Variants in SLC6A3 observed in about 807,000 individuals in gnomAD.
SLC6A3 encodes the protein solute carrier family 6 member 3.
A neutral mutation model predicts 70.4 loss-of-function variants in SLC6A3; 19 were observed. The observed-to-expected ratio is 0.27, with a 90% confidence interval of 0.19 to 0.40. The LOEUF (loss-of-function observed/expected upper bound fraction) is 0.40. Ranked by LOEUF, SLC6A3 falls within the 10% of genes least tolerant of loss-of-function variation. The pLI is 1.00. For synonymous variants in SLC6A3, 368 were observed against 356.6 expected (o/e 1.03, Z -0.36); for missense variants, 613 against 838.5 (o/e 0.73, Z 3.32).
Position 1,421,991 on chromosome 5 carries a change from T to C in SLC6A3, c.677A>G (p.Gln226Arg), listed in dbSNP as rs1756447671. Residue 226 changes from glutamine to arginine, a missense_variant, in exon 5 of 15, where the codon CAG (glutamine) becomes CGG (arginine). This residue lies in a region of SLC6A3 where 153 missense variants were observed against 249.4 expected (regional missense o/e 0.61). Transcript: ENST00000270349. The surrounding 1 kb of genome is among the most constrained non-coding windows in gnomAD (Gnocchi z 7.2). ...YFERGVLHLH[Q>R]SHGIDDLGPP... ...CCCCAGGTCGTCGATGCCATGGCTC[T>C]GGTGGAGGTGCAGCACGCCACGTCT... The C allele has an allele frequency of 1.2e-5, 19 of 1,612,522 alleles. No individual in the cohort carries two copies. Among genetic ancestry groups the C allele is most frequent in the Non-Finnish European group, 1.6e-5 (19 of 1,180,024 alleles).
In SLC6A3 at chr5:1,415,418, C is replaced by T. The variant is rs530319471; in HGVS notation, c.1032-603G>A. Among the ~76,000 whole-genome samples the T allele has an allele frequency of 1.1e-4, 16 of 152,234 alleles. No homozygotes were observed. In the South Asian group the frequency reaches 3.1e-3, roughly 30 times the overall value. On this transcript the variant is annotated intron_variant, in intron 7 of 14. Coordinates refer to ENST00000270349, the MANE Select transcript of SLC6A3 (RefSeq NM_001044.5). ...TGCAGAGCACCTGGACCCAGGTGGA[C>T]GCAGGTGGGCTGCGGGCAGGCGCTG...
chr5:1,432,957 G>A (rs1257998396), intron 3 of SLC6A3, among the ~76,000 whole-genome samples: 1 of 152,030 alleles, frequency 6.6e-6, no homozygotes, highest in Admixed American at 6.5e-5. Flanking sequence ...CTTTCAGGGT[G>A]TCTCTGAGAG....
At position 1,401,061 on chromosome 5, in the gene SLC6A3, C is replaced by T. The variant is rs1260270821; in HGVS notation, c.1768-75G>A. ...CAGCACCCACCACTGACTCACACTG[C>T]CAGGACCCTCACCTACCAGCACCCT... On this transcript the variant is annotated intron_variant, in intron 13 of 14. Transcript: ENST00000270349. The surrounding 1 kb of genome is among the most constrained non-coding windows in gnomAD (Gnocchi z 6.1). 4 of 1,140,244 alleles carry T rather than the reference C, an allele frequency of 3.5e-6. No homozygotes were observed. In the Admixed American group the frequency reaches 5.9e-5, roughly 17 times the overall value. The allele number at this position is 1,140,244 out of a possible 1,614,324, so 70.6% of individuals were successfully genotyped here.
chr5:1,406,321 A>G lies in SLC6A3; in HGVS notation c.1499-33T>C. On this transcript the variant is annotated intron_variant, in intron 11 of 14. Transcript: ENST00000270349. This position sits in a 1 kb window ranked among gnomAD's most constrained non-coding sequence, Gnocchi z 8.8. ...AGAAGAGGTGGCATCAGTGTCCATC[A>G]GGGCAGCGCATTCCCCCGATGCTGG... 1 of 1,557,590 alleles carries G rather than the reference A, an allele frequency of 6.4e-7. No homozygotes were observed. Among genetic ancestry groups the G allele is most frequent in the Non-Finnish European group, 8.9e-7 (1 of 1,129,572 alleles).
chr5:1,417,406 C>T (rs1038634772), intron 6 of SLC6A3, among the ~76,000 whole-genome samples: 7 of 152,214 alleles, frequency 4.6e-5, no homozygotes, highest in Non-Finnish European at 5.9e-5. Flanking sequence ...TGATGGTGTC[C>T]TGATTGGACG....
intron 12 of SLC6A3, 115 bp from the exon 13 acceptor site, chr5:1,403,204 G>A (rs1016610441): frequency 1.6e-5 from 20 of 1,244,324 alleles, no homozygotes; most frequent in Non-Finnish European, 2.3e-5. Flanking sequence ...AGCTGTGCAG[G>A]TGCAGACCCC....
intron 4 of SLC6A3, among the ~76,000 whole-genome samples, chr5:1,423,244 G>A (rs28380002): frequency 7.8e-5 from 4 of 50,962 alleles, no homozygotes; most frequent in East Asian, 1.2e-3. Context: ...TGCTGCCCAT[G>A]GTGCTGGGTA....
In SLC6A3 at chr5:1,406,103, C is replaced by T; in HGVS notation, c.1599+85G>A. 1.0e-6 allele frequency: 1 copy of T among 954,194 alleles called. No homozygotes were observed. Among genetic ancestry groups the T allele is most frequent in the South Asian group, 1.3e-5 (1 of 77,594 alleles). The allele number at this position is 954,194 out of a possible 1,614,324, so 59.1% of individuals were successfully genotyped here. A position where few individuals can be genotyped will look rare whatever the true frequency, so the allele number is the denominator to read the frequency against. On this transcript the variant is annotated intron_variant, in intron 12 of 14. Transcript: ENST00000270349. The surrounding 1 kb of genome is among the most constrained non-coding windows in gnomAD (Gnocchi z 8.8). ...TGACTCCAGCCACAGTGACAACCCA[C>T]ATGCGGGCGCTGGACCTCGGGGCAG...
intron 2 of SLC6A3, among the ~76,000 whole-genome samples, chr5:1,441,740 A>G (rs1733675114): frequency 6.6e-6 from 1 of 152,212 alleles, no homozygotes; most frequent in African/African-American, 2.4e-5. Flanking sequence ...CAAACCCAAG[A>G]GCAGCACAGG....
intron 8 of SLC6A3, among the ~76,000 whole-genome samples, chr5:1,412,960 C>A (rs905480843): frequency 2.6e-5 from 4 of 152,184 alleles, no homozygotes; most frequent in East Asian, 3.9e-4. Context: ...TTAGATGGTA[C>A]CAGCCAGGAG....
rs1756885402 is a variant in SLC6A3, at chr5:1,438,196, T to A, written c.418+3163A>T. Among the ~76,000 whole-genome samples, 3 of 152,230 alleles carry A rather than the reference T, an allele frequency of 2.0e-5. No homozygotes were observed. Among genetic ancestry groups the A allele is most frequent in the Admixed American group, 2.0e-4 (3 of 15,290 alleles). ...AGTTCACTTTCTGTGATTTGCAATT[T>A]TCCTTCCTCACCAGGACTAGGTGAG... is the stretch of plus-strand genomic sequence containing the variant. On this transcript the variant is annotated intron_variant, in intron 3 of 14. Coordinates refer to ENST00000270349, the MANE Select transcript of SLC6A3 (RefSeq NM_001044.5). This position sits in a 1 kb window ranked among gnomAD's most constrained non-coding sequence, Gnocchi z 6.5.
rs115076319 is a variant in SLC6A3, at chr5:1,423,757, C to T, written c.654-1743G>A. Among the ~76,000 whole-genome samples, 1,381 of 152,340 alleles carry T rather than the reference C, an allele frequency of 9.1e-3. 9 individuals are homozygous for T. The highest frequency in any genetic ancestry group is 0.015 in the Non-Finnish European group (1,021 of 68,036). ...GCACCAGGCTACATGCAGTCAGCTG[C>T]GTCACCACTGCAGACTGTGACTTGG... On this transcript the variant is annotated intron_variant, in intron 4 of 14. Coordinates refer to ENST00000270349, the MANE Select transcript of SLC6A3 (RefSeq NM_001044.5).
intron 6 of SLC6A3, 82 bp downstream of exon 6, chr5:1,420,487 A>T (rs565636317): frequency 5.9e-6 from 9 of 1,535,314 alleles, no homozygotes; most frequent in Non-Finnish European, 8.1e-6. Context: ...GACACCTCTC[A>T]GCCCTGGCAG....
intron 4 of SLC6A3, among the ~76,000 whole-genome samples, chr5:1,427,224 C>A (rs1044596131): frequency 6.6e-6 from 1 of 152,202 alleles, no homozygotes; most frequent in South Asian, 2.1e-4. Flanking sequence ...GGAGTTGATA[C>A]ATATTGTAGA....
Position 1,394,461 on chromosome 5 carries a change from C to T in SLC6A3, c.*274G>A, listed in dbSNP as rs143502831. ...CTCACACAGACAGCATGAAGTTAGA[C>T]GTTTTTCTGCCCTGCAGGGACAACA... On this transcript the variant is annotated 3_prime_UTR_variant, in exon 15 of 15. Transcript: ENST00000270349. This position sits in a 1 kb window ranked among gnomAD's most constrained non-coding sequence, Gnocchi z 4.7. 163 of 580,984 alleles carry T rather than the reference C, an allele frequency of 2.8e-4. No homozygotes were observed. The highest frequency in any genetic ancestry group is 2.6e-3 in the African/African-American group (140 of 53,554). The allele number at this position is 580,984 out of a possible 1,614,324, so 36.0% of individuals were successfully genotyped here. A position where few individuals can be genotyped will look rare whatever the true frequency, so the allele number is the denominator to read the frequency against.
chr5:1,439,957 AGT>A (rs1756935291), intron 3 of SLC6A3, among the ~76,000 whole-genome samples: 1 of 152,198 alleles, frequency 6.6e-6, no homozygotes, highest in African/African-American at 2.4e-5. Flanking sequence ...ACAGAGACCT[AGT>A]GTGTGCCCTT....
chr5:1,405,191 C>T lies in SLC6A3; in HGVS notation c.1599+997G>A, dbSNP rs572822670. Among the ~76,000 whole-genome samples the T allele has an allele frequency of 1.3e-5, 2 of 152,354 alleles. No individual in the cohort carries two copies. Among genetic ancestry groups the T allele is most frequent in the South Asian group, 4.1e-4 (2 of 4,826 alleles). Reference sequence around the variant, plus strand: ...CACACCACGCGGCCTGGAGCTCAGACACGGTGGAATTTCTACAAGATGCCG... The same window carrying T: ...CACACCACGCGGCCTGGAGCTCAGATACGGTGGAATTTCTACAAGATGCCG... On this transcript the variant is annotated intron_variant, in intron 12 of 14. Coordinates refer to ENST00000270349, the MANE Select transcript of SLC6A3 (RefSeq NM_001044.5). This position sits in a 1 kb window ranked among gnomAD's most constrained non-coding sequence, Gnocchi z 5.3.
intron 4 of SLC6A3, among the ~76,000 whole-genome samples, chr5:1,430,584 G>T (rs946934218): frequency 6.6e-6 from 1 of 152,214 alleles, no homozygotes; most frequent in Non-Finnish European, 1.5e-5. Context: ...CTGCCCGAAG[G>T]CTCCATCTCA....
chr5:1,406,073 G>A lies in SLC6A3; in HGVS notation c.1599+115C>T. The A allele has an allele frequency of 1.3e-6, 1 of 776,382 alleles. No homozygotes were observed. 48.1% of individuals were successfully genotyped at this position (776,382 alleles called of 1,614,324 possible). On this transcript the variant is annotated intron_variant, in intron 12 of 14. Transcript: ENST00000270349. The surrounding 1 kb of genome is among the most constrained non-coding windows in gnomAD (Gnocchi z 8.8). ...CTGTCCTTCTGGGCCGAGTCTTGAG[G>A]CCCCTGACTCCAGCCACAGTGACAA...
Sources: allele counts gnomAD v4.1 joint callset (sites outside exome capture counted in the v4.1 genomes callset), GRCh38; gene constraint gnomAD v4.1.1; regional missense constraint gnomAD v4.1.1; non-coding constraint Gnocchi (gnomAD v3.1); transcripts MANE v1.5; gene names NCBI Gene and HGNC (gene_info 2026-07-23, HGNC 2026-07-21).